The following PM20D2 variants were observed in gnomAD, a reference collection of about 807,000 sequenced individuals.
PM20D2 encodes xaa-Arg dipeptidase.
Under a neutral mutation model 42.9 loss-of-function variants are expected in PM20D2, and 33 were observed. That is an observed-to-expected ratio of 0.77 (90% CI 0.58 to 1.03). PM20D2 has a LOEUF of 1.03. PM20D2 is among the 50% of genes least tolerant of loss of function. The pLI is 0.00. For missense variants in PM20D2, 548 were observed against 557.0 expected, an observed-to-expected ratio of 0.98 and a Z score of 0.16; for synonymous variants, 250 against 228.2, an observed-to-expected ratio of 1.10 and a Z score of -0.86.
chr6:89,143,399 G>A (rs1770405236), upstream of PM20D2, among the ~76,000 whole-genome samples: 1 of 152,118 alleles, frequency 6.6e-6, no homozygotes, highest in South Asian at 2.1e-4. Flanking sequence ...ATGACAGCTG[G>A]TTTTCTAAGC....
At chr6:89,153,237 G>T in intron 3 of PM20D2, 52 bp downstream of exon 3, 1 of 1,314,886 alleles carries the variant, frequency 7.6e-7, no homozygotes. Context: ...ATAGTTCAGT[G>T]CAGTATAATT....
At chr6:89,162,040 G>A (rs2297309) in intron 6 of PM20D2, 69 bp from the exon 7 acceptor site, 462,895 of 1,553,382 alleles carry the variant, frequency 0.3, 72,544 homozygotes, top group African/African-American at 0.54. Flanking sequence ...TGAGATACGG[G>A]TAGCTAACCT....
At chr6:89,125,353 G>A in the PM20D2 span, among the ~76,000 whole-genome samples, 11 of 152,180 alleles carry the variant, frequency 7.2e-5, no homozygotes, top group East Asian at 1.9e-4. Context: ...GGTGGCAGGC[G>A]CCTGTAGTCC....
At chr6:89,161,028 A>C (rs1439781957) in intron 5 of PM20D2, among the ~76,000 whole-genome samples, 5 of 152,180 alleles carry the variant, frequency 3.3e-5, no homozygotes, top group Admixed American at 3.3e-4. Flanking sequence ...CTGCTAGACC[A>C]ATTAGGAAAC....
intron 5 of PM20D2, among the ~76,000 whole-genome samples, chr6:89,158,776 C>A (rs1771136498): frequency 6.6e-6 from 1 of 152,142 alleles, no homozygotes; most frequent in Non-Finnish European, 1.5e-5. Flanking sequence ...TTAATTCATT[C>A]TCAGTCATCA....
the PM20D2 span, among the ~76,000 whole-genome samples, chr6:89,127,794 G>C: frequency 2.0e-5 from 3 of 152,232 alleles, no homozygotes; most frequent in African/African-American, 7.2e-5. Flanking sequence ...TAGTCCTGTT[G>C]TGGGAAGTCA....
At chr6:89,111,385 T>G in the PM20D2 span, among the ~76,000 whole-genome samples, 1 of 152,218 alleles carries the variant, frequency 6.6e-6, no homozygotes, top group African/African-American at 2.4e-5. Flanking sequence ...GTTAACTGTT[T>G]TCCTAAGTAA....
At position 89,148,674 on chromosome 6, in the gene PM20D2, GC is replaced by G. The variant is rs1001649494; in HGVS notation, c.466-588del. 7 of 620,748 alleles carry G rather than the reference GC, an allele frequency of 1.1e-5. No homozygotes were observed. In the African/African-American group the frequency reaches 1.2e-4, roughly 11 times the overall value. The allele number at this position is 620,748 out of a possible 1,614,324, so 38.5% of individuals were successfully genotyped here. ...TGAGTTCAGACTTTTAAAATAGGTA[GC>G]CCAGTAAGGAATCAGAGTTTAGGCC... is the stretch of plus-strand genomic sequence containing the variant. On this transcript the variant is annotated intron_variant, in intron 1 of 6. Coordinates refer to ENST00000275072, the MANE Select transcript of PM20D2 (RefSeq NM_001010853.3).
chr6:89,107,257 G>C, the PM20D2 span: 1 of 1,610,956 alleles, frequency 6.2e-7, no homozygotes. Flanking sequence ...AAGTCCTCAG[G>C]CCTGAAGTGT....
intron 2 of PM20D2, 151 bp downstream of exon 2, chr6:89,149,564 T>A (rs1468551444): frequency 1.3e-5 from 13 of 972,700 alleles, no homozygotes; most frequent in Non-Finnish European, 1.6e-5. Context: ...GGAGTGACAT[T>A]TGGCAAGCCT....
chr6:89,117,885 C>G, the PM20D2 span: 1 of 1,562,676 alleles, frequency 6.4e-7, no homozygotes, highest in Non-Finnish European at 8.6e-7. Flanking sequence ...TGTAGCGAGA[C>G]ATGACCGCTT....
rs1770549515 is a variant in PM20D2, at chr6:89,146,333, G to C, written c.189G>C (p.Thr63=). Residue 63 remains threonine (T), a synonymous_variant, in exon 1 of 7, where the codon ACG becomes ACC. Coordinates refer to ENST00000275072, the MANE Select transcript of PM20D2 (RefSeq NM_001010853.3). The stretch of plus-strand genomic sequence containing the variant: ...AGCACCATGCCCACCGCGTGCTGAC[G>C]CACTTCTTCGAGCGGGAGCCGCCCG... The part of the protein sequence containing the change: ...YEEHHAHRVL[T]HFFEREPPAA... 2 of 1,570,908 alleles carry C rather than the reference G, an allele frequency of 1.3e-6. No individual in the cohort carries two copies. Among genetic ancestry groups the C allele is most frequent in the African/African-American group, 1.4e-5 (1 of 73,790 alleles).
chr6:89,135,730 G>C, the PM20D2 span, among the ~76,000 whole-genome samples: 1 of 151,226 alleles, frequency 6.6e-6, no homozygotes, highest in African/African-American at 2.5e-5. Context: ...AGAAAACTGT[G>C]AAACAGTTGT....
At chr6:89,124,224 A>C in the PM20D2 span, among the ~76,000 whole-genome samples, 1 of 152,150 alleles carries the variant, frequency 6.6e-6, no homozygotes, top group African/African-American at 2.4e-5. Flanking sequence ...AGTCTGGGCA[A>C]CATACGAAAC....
chr6:89,103,206 G>A, the PM20D2 span, among the ~76,000 whole-genome samples: 1,880 of 152,182 alleles, frequency 0.012, 50 homozygotes, highest in African/African-American at 0.043. Flanking sequence ...AGACAGTCAA[G>A]TATTATACTT....
chr6:89,124,147 A>G, the PM20D2 span, among the ~76,000 whole-genome samples: 1 of 152,200 alleles, frequency 6.6e-6, no homozygotes, highest in Non-Finnish European at 1.5e-5. Flanking sequence ...CACTCAATAT[A>G]GAGATGTTGA....
At chr6:89,114,493 G>A in the PM20D2 span, among the ~76,000 whole-genome samples, 2 of 151,910 alleles carry the variant, frequency 1.3e-5, no homozygotes, top group Admixed American at 1.3e-4. Context: ...TTTAATATAT[G>A]TAATGTTTTT....
intron 4 of PM20D2, among the ~76,000 whole-genome samples, chr6:89,155,821 T>C (rs1327794601): frequency 6.6e-6 from 1 of 151,666 alleles, no homozygotes. Flanking sequence ...AAGCGATTCT[T>C]ATGCCTCAGC....
the PM20D2 span, among the ~76,000 whole-genome samples, chr6:89,140,983 C>T: frequency 3.3e-5 from 5 of 152,214 alleles, no homozygotes; most frequent in Non-Finnish European, 7.3e-5. Flanking sequence ...CCTCAGCTTA[C>T]ATTTTTCCCT....
Sources: allele counts gnomAD v4.1 joint callset (sites outside exome capture counted in the v4.1 genomes callset), GRCh38; gene constraint gnomAD v4.1.1; transcripts MANE v1.5; gene names NCBI Gene and HGNC (gene_info 2026-07-23, HGNC 2026-07-21).